The following SLC25A41 variants were observed in gnomAD, a reference collection of about 807,000 sequenced individuals.
The protein encoded by SLC25A41 is mitochondrial carrier protein SCaMC-3L.
In SLC25A41, 35 loss-of-function variants were observed where a neutral mutation model predicts 34.7. The ratio of observed to expected loss-of-function variants is 1.01; its 90% confidence interval spans 0.77 to 1.34. SLC25A41 has a LOEUF of 1.34. Ranked by LOEUF, SLC25A41 falls within the 40% of genes most tolerant of loss-of-function variation. The pLI is 0.00. For missense variants in SLC25A41, 492 were observed against 489.8 expected (o/e 1.00, Z -0.04); for synonymous variants, 190 against 209.9 (o/e 0.91, Z 0.82).
intron 6 of SLC25A41, 33 bp from the exon 7 acceptor site, chr19:6,426,594 C>T: frequency 5.6e-6 from 9 of 1,598,550 alleles, no homozygotes; most frequent in Non-Finnish European, 7.7e-6. Context: ...AGGACTAGGC[C>T]AGAGATGACC....
Position 6,426,290 on chromosome 19 carries a change from C to A in SLC25A41, c.*99G>T. ...CTGCTTTTGCCACCAAAAACTGCCC[C>A]AGGGCCTGAACCTTGAGGCCTCGAG... On this transcript the variant is annotated 3_prime_UTR_variant, in exon 7 of 7. Coordinates refer to ENST00000321510, the MANE Select transcript of SLC25A41 (RefSeq NM_173637.4). 1 of 1,314,128 alleles carries A rather than the reference C, an allele frequency of 7.6e-7. No individual in the cohort carries two copies. The allele number at this position is 1,314,128 out of a possible 1,614,324, so 81.4% of individuals were successfully genotyped here. A position where few individuals can be genotyped will look rare whatever the true frequency, so the allele number is the denominator to read the frequency against.
At position 6,429,162 on chromosome 19, in the gene SLC25A41, A is replaced by G. The variant is rs1320465376; in HGVS notation, c.624+562T>C. Among the ~76,000 whole-genome samples, 118 of 14,318 alleles carry G rather than the reference A, an allele frequency of 8.2e-3. 27 individuals carry two copies. Among genetic ancestry groups the G allele is most frequent in the African/African-American group, 0.025 (111 of 4,474 alleles). 9.4% of individuals were successfully genotyped at this position (14,318 alleles called of 152,430 possible). On this transcript the variant is annotated intron_variant, in intron 4 of 6. Transcript: ENST00000321510. ...TATATATAATATATATATTATATAT[A>G]TAATATATATATAATATATATATGT...
At position 6,433,506 on chromosome 19, in the gene SLC25A41, T is replaced by G. The variant is rs1248711203; in HGVS notation, c.188A>C (p.Glu63Ala). The G allele has an allele frequency of 3.1e-6, 5 of 1,612,552 alleles. No homozygotes were observed. Among genetic ancestry groups the G allele is most frequent in the Non-Finnish European group, 3.4e-6 (4 of 1,179,810 alleles). Residue 63 changes from glutamate (E) to alanine (A), a missense_variant, in exon 1 of 7, where the codon GAA becomes GCA. By Grantham distance (107) the Glu-to-Ala change is moderately radical. Coordinates refer to ENST00000321510, the MANE Select transcript of SLC25A41 (RefSeq NM_173637.4). ...AFGHMHDNNLEHLPSQQVLDT... is the reference protein window; with the variant it reads ...AFGHMHDNNLAHLPSQQVLDT... ...ACTCACCTGCTGTGACGGGAGATGT[T>G]CAAGGTTGTTGTCATGCATGTGGCC...
chr19:6,426,657 G>A (rs1426688799), intron 6 of SLC25A41, 96 bp from the exon 7 acceptor site: 1 of 1,362,760 alleles, frequency 7.3e-7, no homozygotes, highest in Middle Eastern at 2.6e-4. Flanking sequence ...CCACGGGTAG[G>A]GGCCCCAGGG....
At chr19:6,429,166 T>C (rs181048327) in intron 4 of SLC25A41, among the ~76,000 whole-genome samples, 1,234 of 34,462 alleles carry the variant, frequency 0.036, 270 homozygotes, top group Middle Eastern at 0.091. Flanking sequence ...ATATATATAA[T>C]ATATATATAA....
upstream of SLC25A41, among the ~76,000 whole-genome samples, chr19:6,435,550 G>A (rs770599298): frequency 2.0e-5 from 3 of 151,994 alleles, no homozygotes; most frequent in Non-Finnish European, 4.4e-5. Flanking sequence ...ATAAAACCCC[G>A]TGTCTACTAA....
chr19:6,434,590 A>G (rs960517561), upstream of SLC25A41, among the ~76,000 whole-genome samples: 1 of 151,910 alleles, frequency 6.6e-6, no homozygotes, highest in African/African-American at 2.4e-5. Context: ...TACATGGCAA[A>G]GGGGAATTAA....
At position 6,429,100 on chromosome 19, in the gene SLC25A41, TATATATATA is replaced by T. The variant is rs2092262467; in HGVS notation, c.624+615_624+623del. Among the ~76,000 whole-genome samples, 13 of 3,532 alleles carry T rather than the reference TATATATATA, an allele frequency of 3.7e-3. 4 individuals carry two copies. The highest frequency in any genetic ancestry group is 0.05 in the East Asian group (2 of 40). 2.3% of individuals were successfully genotyped at this position (3,532 alleles called of 152,430 possible). Reference sequence around the variant, plus strand: ...ATATATATATTATATATATGTTACATATATATATAATATATATATTATATATATGTTATA... The same window carrying T: ...ATATATATATTATATATATGTTACATATATATATATTATATATATGTTATA... On this transcript the variant is annotated intron_variant, in intron 4 of 6. Coordinates refer to ENST00000321510, the MANE Select transcript of SLC25A41 (RefSeq NM_173637.4).
At chr19:6,430,490 TTC>T in intron 2 of SLC25A41, 1 of 446,308 alleles carries the variant, frequency 2.2e-6, no homozygotes, top group Non-Finnish European at 4.2e-6. Flanking sequence ...CCTCCCTTCC[TTC>T]TTTTTTTTTT....
In SLC25A41 at chr19:6,429,057, ATGTT is replaced by A. The variant is rs1568349435; in HGVS notation, c.624+663_624+666del. On this transcript the variant is annotated intron_variant, in intron 4 of 6. Coordinates refer to ENST00000321510, the MANE Select transcript of SLC25A41 (RefSeq NM_173637.4). ...TATATATAATATATATATTATATAT[ATGTT>A]ATATATATATATAATATATATATTA... Among the ~76,000 whole-genome samples the A allele has an allele frequency of 3.9e-4, 15 of 38,430 alleles. 3 individuals are homozygous for A. Among genetic ancestry groups the A allele is most frequent in the African/African-American group, 2.1e-3 (15 of 7,018 alleles). The allele number at this position is 38,430 out of a possible 152,430, so 25.2% of individuals were successfully genotyped here.
intron 4 of SLC25A41, among the ~76,000 whole-genome samples, chr19:6,428,105 A>G (rs2092252460): frequency 6.6e-6 from 1 of 152,132 alleles, no homozygotes; most frequent in African/African-American, 2.4e-5. Flanking sequence ...CTCAAAACCC[A>G]TAGAACTGTT....
upstream of SLC25A41, among the ~76,000 whole-genome samples, chr19:6,435,840 G>C (rs1376672411): frequency 1.3e-5 from 2 of 152,002 alleles, no homozygotes; most frequent in Non-Finnish European, 2.9e-5. Flanking sequence ...CTGGGTGACA[G>C]AGTAAGACCC....
In SLC25A41 at chr19:6,429,796, CG is replaced by C. The variant is rs1440125348; in HGVS notation, c.551del (p.Pro184ArgfsTer27). 2.5e-6 allele frequency: 4 copies of C among 1,611,152 alleles called. No individual in the cohort carries two copies. The highest frequency in any genetic ancestry group is 3.4e-6 in the Non-Finnish European group (4 of 1,178,888). On this transcript the variant is annotated frameshift_variant, in exon 4 of 7. Coordinates refer to ENST00000321510, the MANE Select transcript of SLC25A41 (RefSeq NM_173637.4). LOFTEE classifies it high-confidence loss of function. ...KNYFCGIQGS[P>X]PFQERLLAGS... ...CAGCAAGGAGACGCTCCTGGAAGGG[CG>C]GGGACCCTTGTATTCCACAGAAGTA...
rs748496640 is a variant in SLC25A41 at position 6,427,231 on chromosome 19, A to G, written c.812T>C (p.Val271Ala). 7.4e-6 allele frequency: 12 copies of G among 1,612,564 alleles called. No individual in the cohort carries two copies. The highest frequency in any genetic ancestry group is 8.5e-6 in the Non-Finnish European group (10 of 1,179,806). The change falls in exon 6 of 7, where the codon GTG (valine) becomes GCG (alanine). Residue 271 changes from valine (V) to alanine (A), a missense_variant. Transcript: ENST00000321510. This position sits in a 1 kb window ranked among gnomAD's most constrained non-coding sequence, Gnocchi z 4.9. ...GTCCCCCATATCCCTGCCTGACTTC[A>G]CCCAGAAGCACTGGAGCATCTGCAA... ...AVYEMLQCFW[V>A]KSGRDMGDPS...
At chr19:6,435,063 A>G (rs544085224), upstream of SLC25A41, among the ~76,000 whole-genome samples, 3 of 151,778 alleles carry the variant, frequency 2.0e-5, no homozygotes, top group East Asian at 5.8e-4. Context: ...GTCTCTATAA[A>G]AAATACAAAA....
Position 6,426,267 on chromosome 19 carries a change from G to T in SLC25A41, c.*122C>A. The T allele has an allele frequency of 5.8e-6, 2 of 344,098 alleles. No homozygotes were observed. Among genetic ancestry groups the T allele is most frequent in the Non-Finnish European group, 8.1e-6 (2 of 247,930 alleles). The allele number at this position is 344,098 out of a possible 1,614,324, so 21.3% of individuals were successfully genotyped here. A position where few individuals can be genotyped will look rare whatever the true frequency, so the allele number is the denominator to read the frequency against. ...AGAGCCCCACCCCCACCCCCAGCCT[G>T]CTTTTGCCACCAAAAACTGCCCCAG... On this transcript the variant is annotated 3_prime_UTR_variant, in exon 7 of 7. Coordinates refer to ENST00000321510, the MANE Select transcript of SLC25A41 (RefSeq NM_173637.4).
Position 6,433,549 on chromosome 19 carries a change from C to T in SLC25A41, c.145G>A (p.Val49Met), listed in dbSNP as rs369734573. Reference protein sequence around the residue: ...PPSWNPGCTHVYGYAFGHMHD... With the variant: ...PPSWNPGCTHMYGYAFGHMHD... The stretch of plus-strand genomic sequence containing the variant: ...ATGTGGCCAAACGCGTACCCATACA[C>T]GTGTGTACAGCCAGGGTTCCAGGAT... The change falls in exon 1 of 7, where the codon GTG becomes ATG. Residue 49 changes from valine (V) to methionine (M), a missense_variant. Transcript: ENST00000321510. 22 of 1,566,348 alleles carry T rather than the reference C, an allele frequency of 1.4e-5. No individual in the cohort carries two copies. Among genetic ancestry groups the T allele is most frequent in the African/African-American group, 8.3e-5 (6 of 72,702 alleles).
In SLC25A41 at chr19:6,426,218, C is replaced by T. The variant is rs2092238755; in HGVS notation, c.*171G>A. The T allele has an allele frequency of 3.2e-6, 2 of 629,402 alleles. No homozygotes were observed. Among genetic ancestry groups the T allele is most frequent in the Non-Finnish European group, 5.1e-6 (2 of 395,430 alleles). The allele number at this position is 629,402 out of a possible 1,614,324, so 39.0% of individuals were successfully genotyped here. Reference sequence around the variant, plus strand: ...TGCCCCCCTCCACCCACCACCAACCCCAGCTTCAGGAATCTTCTGACCCAG... The same window carrying T: ...TGCCCCCCTCCACCCACCACCAACCTCAGCTTCAGGAATCTTCTGACCCAG... On this transcript the variant is annotated 3_prime_UTR_variant, in exon 7 of 7. Coordinates refer to ENST00000321510, the MANE Select transcript of SLC25A41 (RefSeq NM_173637.4).
At position 6,430,000 on chromosome 19, in the gene SLC25A41, A is replaced by T; in HGVS notation, c.516+9T>A. The T allele has an allele frequency of 2.5e-6, 4 of 1,610,938 alleles. No homozygotes were observed. The highest frequency in any genetic ancestry group is 3.4e-6 in the Non-Finnish European group (4 of 1,178,522). ...TTGAGCTGGGGGAAGCAGGCCCCTCATTCCCCACCTGCTCGAATACGGAGA... is the reference window on the plus strand; with the variant it reads ...TTGAGCTGGGGGAAGCAGGCCCCTCTTTCCCCACCTGCTCGAATACGGAGA... On this transcript the variant is annotated intron_variant, in intron 3 of 6. Coordinates refer to ENST00000321510, the MANE Select transcript of SLC25A41 (RefSeq NM_173637.4).
Sources: allele counts gnomAD v4.1 joint callset (sites outside exome capture counted in the v4.1 genomes callset), GRCh38; gene constraint gnomAD v4.1.1; non-coding constraint Gnocchi (gnomAD v3.1); transcripts MANE v1.5; gene names NCBI Gene and HGNC (gene_info 2026-07-23, HGNC 2026-07-21).